MACROD2: variants seen among roughly 807,000 people sequenced by gnomAD.
MACROD2 encodes the protein mono-ADP ribosylhydrolase 2.
Under a neutral mutation model 70.4 loss-of-function variants are expected in MACROD2, and 36 were observed. The ratio of observed to expected loss-of-function variants is 0.51; its 90% CI spans 0.39 to 0.68. The LOEUF is 0.68. Among genes scored for constraint, MACROD2 ranks in the 30% least tolerant of loss-of-function variants. The pLI is 0.00. For synonymous variants in MACROD2, 172 were observed against 178.8 expected (o/e 0.96, Z 0.30); for missense variants, 496 against 538.4 (o/e 0.92, Z 0.78).
intron 3 of MACROD2, among the ~76,000 whole-genome samples, chr20:14,451,852 T>C (rs529820743): frequency 1.1e-3 from 168 of 152,316 alleles, no homozygotes; most frequent in African/African-American, 3.8e-3. Flanking sequence ...CAAAGGACAC[T>C]GACATTTCAG....
chr20:14,431,553 A>C (rs888748048), intron 3 of MACROD2, among the ~76,000 whole-genome samples: 1 of 152,208 alleles, frequency 6.6e-6, no homozygotes, highest in Non-Finnish European at 1.5e-5. Flanking sequence ...TTATGTCAAG[A>C]AAGAAATTCA....
At chr20:14,630,929 A>G (rs1429582496) in intron 4 of MACROD2, among the ~76,000 whole-genome samples, 6 of 152,076 alleles carry the variant, frequency 3.9e-5, no homozygotes, top group Non-Finnish European at 5.9e-5. Context: ...TTGCCACTCA[A>G]CAAGAACATA....
chr20:14,610,141 G>A (rs1160392427), intron 4 of MACROD2, among the ~76,000 whole-genome samples: 3 of 152,108 alleles, frequency 2.0e-5, no homozygotes, highest in African/African-American at 7.2e-5. Context: ...AACAAGAACA[G>A]CAAAACTAAC....
intron 8 of MACROD2, among the ~76,000 whole-genome samples, chr20:15,789,413 C>A (rs1372184296): frequency 6.6e-6 from 1 of 152,064 alleles, no homozygotes; most frequent in South Asian, 2.1e-4. Context: ...ATCAGGCAAG[C>A]TTTGTTTGAA....
chr20:15,351,800 C>T (rs918439252), intron 6 of MACROD2, among the ~76,000 whole-genome samples: 2 of 152,216 alleles, frequency 1.3e-5, no homozygotes, highest in African/African-American at 2.4e-5. Context: ...AGGTTCTTCA[C>T]TGTACCCTCT....
At chr20:14,847,685 T>C (rs2073158561) in intron 5 of MACROD2, among the ~76,000 whole-genome samples, 1 of 152,120 alleles carries the variant, frequency 6.6e-6, no homozygotes, top group Non-Finnish European at 1.5e-5. Context: ...AGATTACATA[T>C]CCAGATTTCA....
chr20:14,321,943 A>C (rs945361666), intron 3 of MACROD2, among the ~76,000 whole-genome samples: 1 of 151,502 alleles, frequency 6.6e-6, no homozygotes, highest in African/African-American at 2.4e-5. Context: ...TTAGCAAGGG[A>C]GTAATTTTTT....
chr20:14,554,303 G>A (rs1304757498), intron 4 of MACROD2: 1 of 152,202 alleles, frequency 6.6e-6, no homozygotes, highest in Non-Finnish European at 1.5e-5. Flanking sequence ...GACTCTGAAG[G>A]GCGTGGTCAG....
At chr20:15,692,032 C>T (rs1265039996) in intron 8 of MACROD2, among the ~76,000 whole-genome samples, 1 of 152,086 alleles carries the variant, frequency 6.6e-6, no homozygotes, top group Non-Finnish European at 1.5e-5. Context: ...ATTGGGTTTC[C>T]TGTGTAGTTT....
intron 5 of MACROD2, among the ~76,000 whole-genome samples, chr20:15,092,695 T>C (rs2075801309): frequency 6.6e-6 from 1 of 152,068 alleles, no homozygotes; most frequent in South Asian, 2.1e-4. Context: ...AAAGTTCTAG[T>C]ATTTGGAGAA....
chr20:15,881,680 A>T (rs175791), intron 9 of MACROD2, among the ~76,000 whole-genome samples: 2 of 152,072 alleles, frequency 1.3e-5, no homozygotes, highest in African/African-American at 2.4e-5. Flanking sequence ...TCTCATAATC[A>T]TGACCTTGGG....
intron 10 of MACROD2, among the ~76,000 whole-genome samples, chr20:15,926,238 C>T (rs2065487314): frequency 6.6e-6 from 1 of 152,126 alleles, no homozygotes; most frequent in Non-Finnish European, 1.5e-5. Flanking sequence ...ACATGTGGAA[C>T]CTCATGCTTC....
At chr20:15,202,304 A>C (rs1159222104) in intron 5 of MACROD2, among the ~76,000 whole-genome samples, 1 of 152,174 alleles carries the variant, frequency 6.6e-6, no homozygotes, top group African/African-American at 2.4e-5. Flanking sequence ...ACTACTGCTT[A>C]AGATATCCAC....
intron 8 of MACROD2, among the ~76,000 whole-genome samples, chr20:15,747,978 T>C (rs1470374612): frequency 1.3e-5 from 2 of 152,304 alleles, no homozygotes; most frequent in East Asian, 1.9e-4. Context: ...CCTCTGCAGA[T>C]ATTTTTAAGT....
intron 3 of MACROD2, among the ~76,000 whole-genome samples, chr20:14,113,146 T>C (rs1312740644): frequency 6.6e-6 from 1 of 152,044 alleles, no homozygotes; most frequent in Non-Finnish European, 1.5e-5. Context: ...CCTTTTTAGT[T>C]ATAGAAGCAC....
intron 2 of MACROD2, among the ~76,000 whole-genome samples, chr20:14,024,344 A>G (rs556511601): frequency 1.8e-4 from 27 of 152,332 alleles, no homozygotes; most frequent in African/African-American, 6.0e-4. Context: ...AACAGAGACA[A>G]TTTGACTTCC....
At chr20:14,682,462 C>T (rs2070944536) in intron 4 of MACROD2, among the ~76,000 whole-genome samples, 1 of 150,440 alleles carries the variant, frequency 6.6e-6, no homozygotes, top group African/African-American at 2.4e-5. Context: ...TATTACATTA[C>T]ATATATATAT....
chr20:15,787,784 A>C (rs1390031428), intron 8 of MACROD2, among the ~76,000 whole-genome samples: 3 of 152,092 alleles, frequency 2.0e-5, no homozygotes, highest in Non-Finnish European at 2.9e-5. Flanking sequence ...TGTTATGTAA[A>C]ATCTTTCAAT....
intron 5 of MACROD2, among the ~76,000 whole-genome samples, chr20:14,802,777 T>TAC (rs11468914): frequency 0.028 from 4,107 of 148,406 alleles, 95 homozygotes; most frequent in Middle Eastern, 0.072. Context: ...CATACACACA[T>TAC]ACACACACAC....
Sources: allele counts gnomAD v4.1 joint callset (sites outside exome capture counted in the v4.1 genomes callset), GRCh38; gene constraint gnomAD v4.1.1; transcripts MANE v1.5; gene names NCBI Gene and HGNC (gene_info 2026-07-23, HGNC 2026-07-21).